The following TNRC6A variants were observed in gnomAD, a reference collection of about 807,000 sequenced individuals.
TNRC6A encodes the protein trinucleotide repeat-containing gene 6A protein.
Under a neutral mutation model 221.2 loss-of-function variants are expected in TNRC6A, and 44 were observed. That is an observed-to-expected ratio of 0.20 (90% CI 0.16 to 0.26). The LOEUF is 0.26. Among genes scored for constraint, TNRC6A ranks in the 10% least tolerant of loss-of-function variants. The pLI is 1.00. For missense variants in TNRC6A, 2,199 were observed against 2,404.4 expected, an observed-to-expected ratio of 0.91 and a Z score of 1.79; for synonymous variants, 847 against 838.5, an observed-to-expected ratio of 1.01 and a Z score of -0.18.
intron 4 of TNRC6A, among the ~76,000 whole-genome samples, chr16:24,761,813 GAGC>G (rs1194509419): frequency 5.9e-5 from 9 of 152,174 alleles, no homozygotes; most frequent in Non-Finnish European, 1.0e-4. Context: ...CTGTAGGCGT[GAGC>G]CACCGCAGCT....
chr16:24,722,358 G>A (rs1242443662), intron 2 of TNRC6A, among the ~76,000 whole-genome samples: 5 of 152,126 alleles, frequency 3.3e-5, no homozygotes, highest in Admixed American at 6.6e-5. Context: ...AGGCTGCAAC[G>A]AGCTATGATT....
chr16:24,778,415 C>G (rs2057771815), intron 5 of TNRC6A: 13 of 985,316 alleles, frequency 1.3e-5, no homozygotes, highest in Non-Finnish European at 1.6e-5. Context: ...AACCACCATG[C>G]TGTGCTTTGG....
At chr16:24,627,977 A>G (rs1331154461) in intron 1 of TNRC6A, among the ~76,000 whole-genome samples, 4 of 151,118 alleles carry the variant, frequency 2.6e-5, no homozygotes, top group African/African-American at 9.7e-5. Flanking sequence ...GATTACAGGC[A>G]TGAGCCACGG....
intron 17 of TNRC6A, among the ~76,000 whole-genome samples, chr16:24,807,163 G>A (rs574719504): frequency 1.3e-4 from 19 of 151,846 alleles, no homozygotes; most frequent in Non-Finnish European, 2.8e-4. Context: ...GCACCACCAC[G>A]CCCAGCTAAT....
chr16:24,614,940 G>A (rs1420676307), intron 1 of TNRC6A, among the ~76,000 whole-genome samples: 6 of 152,084 alleles, frequency 3.9e-5, no homozygotes, highest in South Asian at 2.1e-4. Flanking sequence ...CATGGTGACC[G>A]GCACCTGTCA....
At chr16:24,624,906 G>A (rs1900877169) in intron 1 of TNRC6A, among the ~76,000 whole-genome samples, 1 of 152,204 alleles carries the variant, frequency 6.6e-6, no homozygotes, top group Admixed American at 6.5e-5. Context: ...GGGAAGAAAT[G>A]GTTGATGTGT....
chr16:24,774,256 C>T (rs559486438), intron 4 of TNRC6A, among the ~76,000 whole-genome samples: 1 of 152,302 alleles, frequency 6.6e-6, no homozygotes, highest in African/African-American at 2.4e-5. Flanking sequence ...CTTCTGCACT[C>T]ATTACTTCTA....
chr16:24,797,404 ATTGTC>A, intron 9 of TNRC6A, 81 bp from the exon 10 acceptor site: 7 of 926,534 alleles, frequency 7.6e-6, no homozygotes, highest in Admixed American at 5.4e-5. Flanking sequence ...AGAATTGGGG[ATTGTC>A]TTAAGTTTTA....
At chr16:24,693,148 C>T (rs1256086079) in intron 2 of TNRC6A, among the ~76,000 whole-genome samples, 1 of 152,100 alleles carries the variant, frequency 6.6e-6, no homozygotes, top group African/African-American at 2.4e-5. Flanking sequence ...AAGAAGGACA[C>T]CAAACTTTGT....
intron 2 of TNRC6A, chr16:24,661,704 A>C (rs943787048): frequency 6.6e-6 from 1 of 152,172 alleles, no homozygotes; most frequent in Admixed American, 6.6e-5. Flanking sequence ...GAGCCACCTC[A>C]CCTGGCCTAC....
upstream of TNRC6A, among the ~76,000 whole-genome samples, chr16:24,725,362 G>A (rs540330659): frequency 3.3e-5 from 5 of 152,100 alleles, no homozygotes; most frequent in South Asian, 1.0e-3. Context: ...TAGTAGAGAT[G>A]GGGTTTTGCC....
chr16:24,699,585 G>T (rs1421534213), intron 2 of TNRC6A, among the ~76,000 whole-genome samples: 1 of 152,076 alleles, frequency 6.6e-6, no homozygotes, highest in Non-Finnish European at 1.5e-5. Context: ...TGGGCATGGT[G>T]GCGTGCACCT....
chr16:24,702,101 TTTTTTC>T (rs2055991205), intron 2 of TNRC6A, among the ~76,000 whole-genome samples: 2 of 78,700 alleles, frequency 2.5e-5, no homozygotes, highest in Admixed American at 1.4e-4. Context: ...TTTTCTTTTC[TTTTTTC>T]TTTTTTTTTT....
chr16:24,791,871 G>A (rs945471391), intron 6 of TNRC6A, 54 bp downstream of exon 6: 1 of 1,438,288 alleles, frequency 7.0e-7, no homozygotes, highest in Non-Finnish European at 9.1e-7. Flanking sequence ...GTTATTATAA[G>A]ATTTGTATAA....
rs781186771 is a variant in TNRC6A at position 24,823,788 on chromosome 16, G to A, written c.5870G>A (p.Gly1957Glu). The A allele has an allele frequency of 6.8e-6, 10 of 1,475,186 alleles. 1 individual carries two copies. In the South Asian group the frequency reaches 1.5e-4, roughly 22 times the overall value. The allele number at this position is 1,475,186 out of a possible 1,614,324, so 91.4% of individuals were successfully genotyped here. A position where few individuals can be genotyped will look rare whatever the true frequency, so the allele number is the denominator to read the frequency against. The change falls in exon 25 of 25, where the codon GGG (glycine) becomes GAG (glutamate). Residue 1957 changes from glycine (G) to glutamate (E), a missense_variant. Physicochemically the swap from Gly to Glu is moderately conservative, Grantham distance 98. Coordinates refer to ENST00000395799, the MANE Select transcript of TNRC6A (RefSeq NM_014494.4). The surrounding 1 kb of genome is among the most constrained non-coding windows in gnomAD (Gnocchi z 4.3). Reference protein sequence around the residue: ...NAFLSVDHLGGGGESM With the variant: ...NAFLSVDHLGEGGESM ...TTTCTTTCTGTTGACCACCTGGGTG[G>A]GGGTGGAGAGTCCATGTAACAGTGT...
chr16:24,708,455 A>T (rs1039716503), intron 2 of TNRC6A, among the ~76,000 whole-genome samples: 7 of 151,792 alleles, frequency 4.6e-5, no homozygotes, highest in Non-Finnish European at 1.0e-4. Context: ...GTTAGCCAGG[A>T]TGGTCTCGAT....
intron 1 of TNRC6A, among the ~76,000 whole-genome samples, chr16:24,625,740 A>AAAC (rs1257647742): frequency 2.0e-4 from 11 of 54,728 alleles, no homozygotes; most frequent in African/African-American, 1.0e-3. Context: ...CTCAAAACAA[A>AAAC]AAAAAAAAAA....
intron 1 of TNRC6A, among the ~76,000 whole-genome samples, chr16:24,611,968 T>A (rs1900075900): frequency 6.6e-6 from 1 of 151,916 alleles, no homozygotes; most frequent in East Asian, 1.9e-4. Context: ...GTGGTGCACA[T>A]CTGTAATCCC....
intron 2 of TNRC6A, among the ~76,000 whole-genome samples, chr16:24,668,481 C>G (rs574278383): frequency 6.6e-6 from 1 of 152,180 alleles, no homozygotes; most frequent in South Asian, 2.1e-4. Flanking sequence ...TGGGCCAGTC[C>G]CTCGGCTCTA....
Sources: gnomAD v4.1 joint callset for allele counts (sites outside exome capture counted in the v4.1 genomes callset) on GRCh38, gnomAD v4.1.1 for gene constraint, Gnocchi (gnomAD v3.1) non-coding constraint, MANE v1.5 for transcripts, NCBI Gene and HGNC (gene_info 2026-07-23, HGNC 2026-07-21) for gene names.